The following RNF149 variants were observed in gnomAD, a reference collection of about 807,000 sequenced individuals.
RNF149 encodes ring finger protein 149.
A neutral mutation model predicts 39.0 loss-of-function variants in RNF149; 21 were observed. That is an observed-to-expected ratio of 0.54 (90% CI 0.38 to 0.77). The LOEUF (loss-of-function observed/expected upper bound fraction) is 0.77. RNF149 is among the 30% of genes least tolerant of loss of function. RNF149 has a pLI of 0.00. For synonymous variants in RNF149, 209 were observed against 213.6 expected (o/e 0.98, Z 0.19); for missense variants, 493 against 534.9 (o/e 0.92, Z 0.77).
intron 5 of RNF149, among the ~76,000 whole-genome samples, chr2:101,285,303 T>A (rs904026287): frequency 6.6e-6 from 1 of 152,298 alleles, no homozygotes; most frequent in Admixed American, 6.5e-5. Context: ...ATTTTTCCCC[T>A]CTATGTTCCC....
chr2:101,301,068 C>A (rs536496340), intron 1 of RNF149, among the ~76,000 whole-genome samples: 29 of 152,282 alleles, frequency 1.9e-4, no homozygotes, highest in Non-Finnish European at 4.0e-4. Context: ...ACTCAAAAGA[C>A]TTGGGATGAC....
intron 5 of RNF149, among the ~76,000 whole-genome samples, chr2:101,282,769 T>G (rs1459585575): frequency 6.6e-6 from 1 of 152,144 alleles, no homozygotes; most frequent in African/African-American, 2.4e-5. Flanking sequence ...GACTATGACC[T>G]TCTGGCTCAG....
chr2:101,287,244 C>T lies in RNF149; in HGVS notation c.864-1067G>A, dbSNP rs1247279043. On this transcript the variant is annotated intron_variant, in intron 4 of 6. Coordinates refer to ENST00000295317, the MANE Select transcript of RNF149 (RefSeq NM_173647.4). ...GGCTGAGGCAGGAGAATCGCTTGAA[C>T]CCGGAAGATGGAGGTTGTAGTGAGC... 3.6e-4 allele frequency among the ~76,000 whole-genome samples: 55 copies of T among 152,064 alleles called. 1 individual carries two copies. The highest frequency in any genetic ancestry group is 3.6e-3 in the Admixed American group (55 of 15,256).
intron 1 of RNF149, among the ~76,000 whole-genome samples, chr2:101,303,544 T>C (rs1233425483): frequency 6.6e-6 from 1 of 152,190 alleles, no homozygotes; most frequent in Non-Finnish European, 1.5e-5. Context: ...GCTCTGCAAA[T>C]ACAAACTGCA....
At chr2:101,298,785 G>A (rs1459707540) in intron 1 of RNF149, among the ~76,000 whole-genome samples, 1 of 152,178 alleles carries the variant, frequency 6.6e-6, no homozygotes, top group Non-Finnish European at 1.5e-5. Context: ...GAGGCGCTTC[G>A]GGATGCAGGA....
chr2:101,305,213 C>A (rs1683609696), intron 1 of RNF149, among the ~76,000 whole-genome samples: 1 of 152,162 alleles, frequency 6.6e-6, no homozygotes, highest in Non-Finnish European at 1.5e-5. Context: ...ACAGTGAGAA[C>A]CACTGAATCA....
intron 1 of RNF149, among the ~76,000 whole-genome samples, chr2:101,297,568 A>G (rs796342157): frequency 1.3e-5 from 2 of 152,112 alleles, no homozygotes; most frequent in East Asian, 1.9e-4. Context: ...TATGTTGCCC[A>G]GGCTAGCCTT....
chr2:101,304,349 A>G (rs957551081), intron 1 of RNF149, among the ~76,000 whole-genome samples: 1 of 152,204 alleles, frequency 6.6e-6, no homozygotes, highest in African/African-American at 2.4e-5. Flanking sequence ...ATGAGCCAAG[A>G]TCATGCCACT....
chr2:101,286,087 T>A lies in RNF149; in HGVS notation c.954A>T (p.Gly318=). 1 of 1,597,912 alleles carries A rather than the reference T, an allele frequency of 6.3e-7. No individual in the cohort carries two copies. Among genetic ancestry groups the A allele is most frequent in the African/African-American group, 1.3e-5 (1 of 74,726 alleles). ...AAACAAAAATGTAACAAACCCAATA[T>A]CCTAGGGCTTTGATGACATCAAGTT... ...MCKLDVIKAL[G]YWGEPGDVQE... The change falls in exon 5 of 7, where the codon GGA becomes GGT. Residue 318 remains glycine (G), a synonymous_variant. Transcript: ENST00000295317.
intron 5 of RNF149, among the ~76,000 whole-genome samples, chr2:101,285,600 T>A (rs1483346614): frequency 6.6e-6 from 1 of 152,230 alleles, no homozygotes; most frequent in Non-Finnish European, 1.5e-5. Flanking sequence ...CCTGTGACCA[T>A]CGGTGATGAA....
intron 1 of RNF149, among the ~76,000 whole-genome samples, chr2:101,299,332 G>A (rs1287395979): frequency 6.6e-6 from 1 of 152,136 alleles, no homozygotes; most frequent in East Asian, 1.9e-4. Flanking sequence ...CCCTTCTAAG[G>A]TAGCCCCTGT....
Position 101,308,416 on chromosome 2 carries a change from A to T in RNF149, c.173T>A (p.Val58Asp). The T allele has an allele frequency of 6.2e-7, 1 of 1,611,224 alleles. No individual in the cohort carries two copies. The highest frequency in any genetic ancestry group is 8.5e-7 in the Non-Finnish European group (1 of 1,179,262). ...GTCGCCGAAGCGGCCACTCTCCGAG[A>T]CGCTCCACACCGTCAGGTTGGTCTG... ...DPQTNLTVWS[V>D]SESGRFGDSS... Residue 58 changes from valine (V) to aspartate (D), a missense_variant, in exon 1 of 7, where the codon GTC (valine) becomes GAC (aspartate). Coordinates refer to ENST00000295317, the MANE Select transcript of RNF149 (RefSeq NM_173647.4).
At chr2:101,294,825 T>C (rs958381359) in intron 2 of RNF149, 106 bp downstream of exon 2, 26 of 949,056 alleles carry the variant, frequency 2.7e-5, no homozygotes, top group Non-Finnish European at 4.1e-5. Context: ...TTAAATAATA[T>C]AAGCGAAAAT....
At chr2:101,287,841 C>T (rs1682853992) in intron 4 of RNF149, among the ~76,000 whole-genome samples, 1 of 152,194 alleles carries the variant, frequency 6.6e-6, no homozygotes, top group Non-Finnish European at 1.5e-5. Flanking sequence ...ACGTACTCTG[C>T]AAACAAAGCA....
At position 101,297,113 on chromosome 2, in the gene RNF149, A is replaced by G. The variant is rs1683261825; in HGVS notation, c.461-1932T>C. Among the ~76,000 whole-genome samples the G allele has an allele frequency of 2.0e-5, 3 of 152,182 alleles. No individual in the cohort carries two copies. The South Asian group carries it at 6.2e-4, about 32-fold the overall frequency. ...AATCCTAGCTACTCAGGAGACAGAG[A>G]TAGGAGAATTGCTTGAACCCAGGAG... On this transcript the variant is annotated intron_variant, in intron 1 of 6. Transcript: ENST00000295317.
In RNF149 at chr2:101,276,431, G is replaced by A. The variant is rs942538035; in HGVS notation, c.*807C>T. The A allele has an allele frequency of 1.0e-5, 10 of 985,468 alleles. No individual in the cohort carries two copies. Among genetic ancestry groups the A allele is most frequent in the African/African-American group, 7.0e-5 (4 of 57,184 alleles). The allele number at this position is 985,468 out of a possible 1,614,324, so 61.0% of individuals were successfully genotyped here. On this transcript the variant is annotated 3_prime_UTR_variant, in exon 7 of 7. Coordinates refer to ENST00000295317, the MANE Select transcript of RNF149 (RefSeq NM_173647.4). ...CAAAAACTAAAATTCTACATCTTTC[G>A]CCCTTTTAATTGTAAAGATTAAATT...
chr2:101,272,692 A>C (rs1318154817), downstream of RNF149: 3 of 306,382 alleles, frequency 9.8e-6, no homozygotes, highest in African/African-American at 6.5e-5. Context: ...TCTACTTAGT[A>C]ATACATATAT....
At chr2:101,295,931 T>C (rs974711427) in intron 1 of RNF149, among the ~76,000 whole-genome samples, 3 of 152,032 alleles carry the variant, frequency 2.0e-5, no homozygotes, top group African/African-American at 7.2e-5. Flanking sequence ...GATGGGAGGA[T>C]AGGTTGAAGA....
chr2:101,272,972 T>C, downstream of RNF149: 1 of 1,352,386 alleles, frequency 7.4e-7, no homozygotes, highest in South Asian at 1.1e-5. Flanking sequence ...CAGGATATTT[T>C]GTCATCGTGT....
Sources: gnomAD v4.1 joint callset for allele counts (sites outside exome capture counted in the v4.1 genomes callset) on GRCh38, gnomAD v4.1.1 for gene constraint, MANE v1.5 for transcripts, NCBI Gene and HGNC (gene_info 2026-07-23, HGNC 2026-07-21) for gene names.